HDX: variants seen among roughly 807,000 people sequenced by gnomAD.
HDX encodes chromosome X open reading frame 43.
In HDX, 19 loss-of-function variants were observed where a neutral mutation model predicts 45.2. That is an observed-to-expected ratio of 0.42 (90% CI 0.29 to 0.62). HDX has a LOEUF of 0.62. Ranked by LOEUF, HDX falls within the 20% of genes least tolerant of loss-of-function variation. HDX has a pLI of 0.20. For synonymous variants in HDX, 188 were observed against 172.8 expected (o/e 1.09, Z -0.69); for missense variants, 532 against 493.9 (o/e 1.08, Z -0.73).
chrX:84,366,774 G>A (rs1165276284), intron 5 of HDX, among the ~76,000 whole-genome samples: 1 of 111,826 alleles, frequency 8.9e-6, no homozygotes, highest in African/African-American at 3.3e-5. Flanking sequence ...AATAAATGGT[G>A]TTGGGAAAAC....
intron 5 of HDX, among the ~76,000 whole-genome samples, chrX:84,389,385 C>A (rs2147927111): frequency 8.9e-6 from 1 of 111,749 alleles, no homozygotes; most frequent in East Asian, 2.9e-4. Context: ...CACCCTACTC[C>A]TGCCCTGACT....
At chrX:84,496,617 A>G (rs1353357683) in intron 1 of HDX, among the ~76,000 whole-genome samples, 1 of 111,515 alleles carries the variant, frequency 9.0e-6, no homozygotes, top group Admixed American at 9.6e-5. Context: ...AGTTGAGAGA[A>G]GAAAAATAAT....
chrX:84,479,299 A>T (rs1450231655), intron 2 of HDX, among the ~76,000 whole-genome samples: 1 of 111,865 alleles, frequency 8.9e-6, no homozygotes, highest in African/African-American at 3.3e-5. Context: ...ACTGCCCTAT[A>T]AATGGAATCA....
At position 84,321,892 on chromosome X, in the gene HDX, C is replaced by T; in HGVS notation, c.2070G>A (p.Leu690=). 1 of 1,188,182 alleles carries T rather than the reference C, an allele frequency of 8.4e-7. No individual in the cohort carries two copies. The highest frequency in any genetic ancestry group is 2.4e-4 in the Middle Eastern group (1 of 4,248). The change falls in exon 11 of 11, where the codon TTG becomes TTA. Residue 690 remains leucine (L), a synonymous_variant. Coordinates refer to ENST00000373177, the MANE Select transcript of HDX (RefSeq NM_001177479.2). The stretch of plus-strand genomic sequence containing the variant: ...CATATATTCCCTCCAACTGAAATCA[C>T]AAACTTTCTGAGACATTTTTCTCTG... The part of the protein sequence containing the change: ...SLSEKNVSES[L]
chrX:84,332,090 G>A (rs2036854983), intron 9 of HDX, among the ~76,000 whole-genome samples: 1 of 111,424 alleles, frequency 9.0e-6, no homozygotes, highest in Non-Finnish European at 1.9e-5. Context: ...TACTAAACTG[G>A]TAGAGCTTTT....
intron 7 of HDX, among the ~76,000 whole-genome samples, chrX:84,342,518 C>T (rs866606060): frequency 4.5e-5 from 3 of 66,717 alleles, no homozygotes; most frequent in African/African-American, 1.8e-4. Context: ...TATGTGTGTG[C>T]ATGTGTGTGT....
chrX:84,437,258 G>A (rs967432889), intron 5 of HDX, among the ~76,000 whole-genome samples: 1 of 110,694 alleles, frequency 9.0e-6, no homozygotes, highest in African/African-American at 3.3e-5. Flanking sequence ...AATTCAAGGA[G>A]CAATCTTGAA....
intron 2 of HDX, among the ~76,000 whole-genome samples, chrX:84,485,225 G>T (rs2040766503): frequency 9.0e-6 from 1 of 111,511 alleles, no homozygotes; most frequent in Admixed American, 9.5e-5. Context: ...CTGCTGTTGG[G>T]TGGTCATTTC....
At chrX:84,385,173 T>C (rs1266865835) in intron 5 of HDX, among the ~76,000 whole-genome samples, 1 of 105,712 alleles carries the variant, frequency 9.5e-6, no homozygotes, top group African/African-American at 3.4e-5. Flanking sequence ...ATTTTTTCCA[T>C]ATATTTGTGT....
At chrX:84,480,833 A>G (rs1161068332) in intron 2 of HDX, among the ~76,000 whole-genome samples, 2 of 109,936 alleles carry the variant, frequency 1.8e-5, no homozygotes, top group African/African-American at 6.6e-5. Flanking sequence ...TTTTCTTGCA[A>G]TGTATTTGGT....
chrX:84,478,600 G>A (rs150838821), intron 2 of HDX, among the ~76,000 whole-genome samples: 1,660 of 111,882 alleles, frequency 0.015, 24 homozygotes, highest in African/African-American at 0.051. Flanking sequence ...ATTCTAAATG[G>A]GATGACGCAT....
At chrX:84,433,437 G>A (rs2039550150) in intron 5 of HDX, among the ~76,000 whole-genome samples, 1 of 111,512 alleles carries the variant, frequency 9.0e-6, no homozygotes, top group Non-Finnish European at 1.9e-5. Flanking sequence ...ACCATTTATA[G>A]AAGGCTTTCT....
chrX:84,473,058 T>A (rs1270723227), intron 3 of HDX, among the ~76,000 whole-genome samples: 1 of 109,121 alleles, frequency 9.2e-6, no homozygotes, highest in Non-Finnish European at 1.9e-5. Context: ...TTCGGGTCAT[T>A]AATCCTTAGT....
intron 6 of HDX, among the ~76,000 whole-genome samples, chrX:84,345,330 C>A (rs1407055317): frequency 9.0e-6 from 1 of 111,242 alleles, no homozygotes; most frequent in East Asian, 2.8e-4. Flanking sequence ...TATCCCTAAT[C>A]TGTTTTCTGT....
intron 7 of HDX, among the ~76,000 whole-genome samples, chrX:84,338,344 G>A (rs929110750): frequency 9.2e-6 from 1 of 108,775 alleles, no homozygotes; most frequent in Non-Finnish European, 1.9e-5. Context: ...AATTTTGGGG[G>A]GTATATTTGA....
At chrX:84,492,981 C>T (rs186436568) in intron 1 of HDX, among the ~76,000 whole-genome samples, 150 of 105,126 alleles carry the variant, frequency 1.4e-3, no homozygotes, top group African/African-American at 5.1e-3. Flanking sequence ...GGCGCGATTT[C>T]GGCTCACTGC....
intron 4 of HDX, among the ~76,000 whole-genome samples, chrX:84,452,858 A>G (rs2040031516): frequency 1.8e-5 from 2 of 112,062 alleles, no homozygotes; most frequent in African/African-American, 3.2e-5. Flanking sequence ...ACTCAAAAAT[A>G]TAAAACTACT....
chrX:84,486,903 T>A (rs1465067321), intron 2 of HDX, among the ~76,000 whole-genome samples: 1 of 111,956 alleles, frequency 8.9e-6, no homozygotes, highest in East Asian at 2.8e-4. Flanking sequence ...AGTTTTCAGA[T>A]ATTATTTCTT....
chrX:84,399,145 A>G (rs1378303565), intron 5 of HDX, among the ~76,000 whole-genome samples: 1 of 111,156 alleles, frequency 9.0e-6, no homozygotes, highest in Admixed American at 9.6e-5. Flanking sequence ...CCCTAAGATC[A>G]CAATTAAAAG....
Sources: gnomAD v4.1 joint callset for allele counts (sites outside exome capture counted in the v4.1 genomes callset) on GRCh38, gnomAD v4.1.1 for gene constraint, MANE v1.5 for transcripts, NCBI Gene and HGNC (gene_info 2026-07-23, HGNC 2026-07-21) for gene names.